The following AKAP9 variants were observed in gnomAD, a reference collection of about 807,000 sequenced individuals.
AKAP9 encodes the protein A-kinase anchoring protein 9.
AKAP9 carries 311 observed loss-of-function variants against 488.5 expected under a neutral mutation model. That is an observed-to-expected ratio of 0.64 (90% CI 0.58 to 0.70). The LOEUF is 0.70. Among genes scored for constraint, AKAP9 ranks in the 30% least tolerant of loss-of-function variants. The pLI is 0.00. For synonymous variants in AKAP9, 1,462 were observed against 1,483.5 expected (o/e 0.99, Z 0.33); for missense variants, 4,215 against 4,374.5 (o/e 0.96, Z 1.03).
intron 12 of AKAP9, among the ~76,000 whole-genome samples, chr7:92,019,480 G>A (rs1176866855): frequency 6.6e-6 from 1 of 151,638 alleles, no homozygotes; most frequent in Non-Finnish European, 1.5e-5. Flanking sequence ...TTAGATCTGA[G>A]GACAGACTGG....
At chr7:92,036,723 G>A (rs79651084) in intron 16 of AKAP9, among the ~76,000 whole-genome samples, 2,190 of 152,252 alleles carry the variant, frequency 0.014, 44 homozygotes, top group African/African-American at 0.05. Context: ...GACAGAGGCA[G>A]ATCAGGTTCA....
chr7:92,061,101 T>A, intron 22 of AKAP9, among the ~76,000 whole-genome samples, 159 bp from the exon 23 acceptor site: 1 of 152,176 alleles, frequency 6.6e-6, no homozygotes, highest in South Asian at 2.1e-4. Context: ...TGATTTCTCC[T>A]ACCTGCTAAT....
chr7:91,958,858 ATT>A (rs34009088), intron 1 of AKAP9, among the ~76,000 whole-genome samples: 8 of 150,010 alleles, frequency 5.3e-5, no homozygotes, highest in Non-Finnish European at 7.4e-5. Context: ...GCTCATTAAG[ATT>A]TTTTTTTTGA....
rs60346180 is a variant in AKAP9, at chr7:92,044,876, G to GTAT, written c.5163-130_5163-128dup. ...AGCACTTTATTGTAGATGCTATTGG[G>GTAT]TATTTTAATAAAAAGGATCATCTGT... On this transcript the variant is annotated intron_variant, in intron 20 of 49. Transcript: ENST00000356239. 0.52 allele frequency: 347,549 copies of GTAT among 672,582 alleles called. 93,252 individuals are homozygous for GTAT. Among genetic ancestry groups the GTAT allele is most frequent in the African/African-American group, 0.78 (43,191 of 55,066 alleles). 41.7% of individuals were successfully genotyped at this position (672,582 alleles called of 1,614,324 possible). A position where few individuals can be genotyped will look rare whatever the true frequency, so the allele number is the denominator to read the frequency against.
At chr7:92,108,744 G>T in intron 49 of AKAP9, 111 bp downstream of exon 49, 1 of 1,299,132 alleles carries the variant, frequency 7.7e-7, no homozygotes, top group Non-Finnish European at 1.1e-6. Context: ...CCAGTTTAGT[G>T]CATGAGCTAA....
chr7:91,988,048 C>T (rs991851401), intron 3 of AKAP9, among the ~76,000 whole-genome samples: 2 of 151,818 alleles, frequency 1.3e-5, no homozygotes, highest in African/African-American at 4.8e-5. Context: ...GGCATAGTGG[C>T]GGGCACATGT....
intron 21 of AKAP9, among the ~76,000 whole-genome samples, chr7:92,051,344 C>G (rs200896516): frequency 6.6e-6 from 1 of 152,188 alleles, no homozygotes; most frequent in Admixed American, 6.5e-5. Flanking sequence ...CCAAGATTAT[C>G]TTGCACTTCT....
intron 3 of AKAP9, among the ~76,000 whole-genome samples, chr7:91,988,354 C>T (rs189636022): frequency 5.1e-4 from 74 of 145,224 alleles, no homozygotes; most frequent in African/African-American, 1.8e-3. Flanking sequence ...CCTGTACTTC[C>T]AGCTGCTCAA....
intron 7 of AKAP9, among the ~76,000 whole-genome samples, chr7:91,998,809 C>A (rs1248950633): frequency 6.6e-6 from 1 of 151,762 alleles, no homozygotes; most frequent in African/African-American, 2.4e-5. Flanking sequence ...ATATTACACT[C>A]GTATATATTA....
At chr7:92,033,989 G>A (rs1357732758) in intron 16 of AKAP9, among the ~76,000 whole-genome samples, 1 of 152,142 alleles carries the variant, frequency 6.6e-6, no homozygotes, top group Non-Finnish European at 1.5e-5. Flanking sequence ...ATGATGATAA[G>A]TACTATGAAG....
intron 31 of AKAP9, among the ~76,000 whole-genome samples, chr7:92,081,496 T>TC (rs1813564317): frequency 1.0e-5 from 1 of 97,254 alleles, no homozygotes; most frequent in African/African-American, 4.8e-5. Context: ...TATATATATA[T>TC]ATTTTTTTTT....
chr7:92,108,476 A>G lies in AKAP9; in HGVS notation c.11547-18A>G. On this transcript the variant is annotated intron_variant, in intron 48 of 49. Coordinates refer to ENST00000356239, the MANE Select transcript of AKAP9 (RefSeq NM_005751.5). ...TTTCTGGATAACTTGATTCATGTACATATTTTTAATCCTTTAGGTACCCAG... is the reference window on the plus strand; with the variant it reads ...TTTCTGGATAACTTGATTCATGTACGTATTTTTAATCCTTTAGGTACCCAG... 4 of 1,613,428 alleles carry G rather than the reference A, an allele frequency of 2.5e-6. No homozygotes were observed. Among genetic ancestry groups the G allele is most frequent in the Admixed American group, 1.7e-5 (1 of 60,016 alleles).
In AKAP9 at chr7:92,079,874, C is replaced by G; in HGVS notation, c.7741C>G (p.Pro2581Ala). The change falls in exon 31 of 50, where the codon CCT (proline) becomes GCT (alanine). Residue 2581 changes from proline to alanine, a missense_variant. This residue lies in a region of AKAP9 where 1,476 missense variants were observed against 1,477.4 expected (regional missense o/e 1.00). Transcript: ENST00000356239. ...AGATAATCAAACAATTTCATCAGAA[C>G]CTGAAAGAACAAATATTCAGAATTT... ...CQDNQTISSE[P>A]ERTNIQNLNQ... 2 of 1,613,970 alleles carry G rather than the reference C, an allele frequency of 1.2e-6. No homozygotes were observed. The highest frequency in any genetic ancestry group is 1.7e-6 in the Non-Finnish European group (2 of 1,179,968).
intron 4 of AKAP9, 58 bp downstream of exon 4, chr7:91,992,269 G>A: frequency 7.6e-7 from 1 of 1,322,164 alleles, no homozygotes; most frequent in Non-Finnish European, 1.1e-6. Context: ...AAATCATCTG[G>A]CTTACTAACA....
chr7:91,972,730 G>A (rs1280934974), intron 1 of AKAP9, among the ~76,000 whole-genome samples: 1 of 152,104 alleles, frequency 6.6e-6, no homozygotes, highest in Non-Finnish European at 1.5e-5. Context: ...TTTTTGTACC[G>A]ACCTAATGGA....
rs766290834 is a variant in AKAP9 at position 92,086,432 on chromosome 7, A to G, written c.9213+16A>G. 1.9e-6 allele frequency: 3 copies of G among 1,592,372 alleles called. No homozygotes were observed. Among genetic ancestry groups the G allele is most frequent in the Non-Finnish European group, 2.6e-6 (3 of 1,160,620 alleles). On this transcript the variant is annotated intron_variant, in intron 37 of 49. Transcript: ENST00000356239. ...ACAAGAACAGGTATAATGAAACTTCATTTTAAAAACACTTTAATAGAAATA... is the reference window on the plus strand; with the variant it reads ...ACAAGAACAGGTATAATGAAACTTCGTTTTAAAAACACTTTAATAGAAATA...
chr7:91,945,643 C>T (rs1791372401), intron 1 of AKAP9, among the ~76,000 whole-genome samples: 2 of 152,150 alleles, frequency 1.3e-5, no homozygotes. Context: ...ATTGATGTTG[C>T]AAGAAGCATG....
intron 22 of AKAP9, 151 bp from the exon 23 acceptor site, chr7:92,061,109 A>T: frequency 1.1e-6 from 1 of 877,262 alleles, no homozygotes. Context: ...CCTACCTGCT[A>T]ATCTTAGCAT....
chr7:92,057,794 G>A (rs368731675), intron 22 of AKAP9: 11 of 222,548 alleles, frequency 4.9e-5, no homozygotes, highest in South Asian at 3.6e-4. Context: ...TTTATTGCTC[G>A]TCTAATTAGA....
Sources: gnomAD v4.1 joint callset for allele counts (sites outside exome capture counted in the v4.1 genomes callset) on GRCh38, gnomAD v4.1.1 for gene constraint, gnomAD v4.1.1 regional missense constraint, MANE v1.5 for transcripts, NCBI Gene and HGNC (gene_info 2026-07-23, HGNC 2026-07-21) for gene names.